Variants in PDE3B observed in about 807,000 individuals in gnomAD.
The protein encoded by PDE3B is phosphodiesterase 3B, also known as cGMP-inhibited 3',5'-cyclic phosphodiesterase 3B.
PDE3B carries 66 observed loss-of-function variants against 116.8 expected under a neutral mutation model. That is an observed-to-expected ratio of 0.56 (90% confidence interval 0.46 to 0.69). PDE3B has a LOEUF of 0.69. Among genes scored for constraint, PDE3B ranks in the 30% least tolerant of loss-of-function variants. The pLI is 0.00. For synonymous variants in PDE3B, 595 were observed against 533.6 expected (o/e 1.12, Z -1.59); for missense variants, 1,384 against 1,368.1 (o/e 1.01, Z -0.18).
Position 14,731,255 on chromosome 11 carries a change from A to ATT in PDE3B, c.979-40662_979-40661dup, listed in dbSNP as rs778089171. On this transcript the variant is annotated intron_variant, in intron 1 of 15. Transcript: ENST00000282096. ...TAAAGTTTTAAAGCATTTTACTTTG[A>ATT]TTTTTTTTTTTTTTTTTTTTTGAGA... Among the ~76,000 whole-genome samples, 523 of 121,080 alleles carry ATT rather than the reference A, an allele frequency of 4.3e-3. 14 individuals carry two copies. In the East Asian group the frequency reaches 0.078, roughly 18 times the overall value. The allele number at this position is 121,080 out of a possible 152,430, so 79.4% of individuals were successfully genotyped here. A position where few individuals can be genotyped will look rare whatever the true frequency, so the allele number is the denominator to read the frequency against.
intron 1 of PDE3B, among the ~76,000 whole-genome samples, chr11:14,767,010 G>A (rs181347493): frequency 7.3e-5 from 11 of 151,550 alleles, no homozygotes; most frequent in East Asian, 5.8e-4. Flanking sequence ...AATATTTATC[G>A]TTTGTGTGGC....
rs751380007 is a variant in PDE3B, at chr11:14,644,504, C to T, written c.429C>T (p.Pro143=). The T allele has an allele frequency of 9.9e-6, 16 of 1,610,378 alleles. No individual in the cohort carries two copies. The highest frequency in any genetic ancestry group is 1.4e-5 in the Non-Finnish European group (16 of 1,178,432). The change falls in exon 1 of 16, where the codon CCC becomes CCT. Residue 143 remains proline, a synonymous_variant. Transcript: ENST00000282096. The stretch of plus-strand genomic sequence containing the variant: ...TCCTCACCCGGACCAAGCGGGGACC[C>T]GGCCCGGGCCGGAGCTGCGGCTCCT... ...TCFLTRTKRG[P]GPGRSCGSWW... is the part of the protein sequence containing the mutation.
chr11:14,753,980 GT>G (rs1335602519), intron 1 of PDE3B, among the ~76,000 whole-genome samples: 4 of 151,784 alleles, frequency 2.6e-5, no homozygotes, highest in Admixed American at 2.6e-4. Context: ...GGAAGCTTGT[GT>G]TTTAAGAACT....
intron 1 of PDE3B, among the ~76,000 whole-genome samples, chr11:14,661,971 A>C (rs908878447): frequency 7.9e-4 from 120 of 152,154 alleles, no homozygotes; most frequent in Non-Finnish European, 1.6e-3. Flanking sequence ...CCCAGCACGC[A>C]GCTGGAGATC....
At chr11:14,673,660 C>T in intron 1 of PDE3B, 1 of 702,328 alleles carries the variant, frequency 1.4e-6, no homozygotes, top group South Asian at 1.4e-5. Context: ...GAATTCTTTG[C>T]CAGGTACTTC....
At chr11:14,882,057 T>C in the PDE3B span, among the ~76,000 whole-genome samples, 1 of 152,180 alleles carries the variant, frequency 6.6e-6, no homozygotes, top group Non-Finnish European at 1.5e-5. Flanking sequence ...TCATTAGTGC[T>C]GTGTAGCAAT....
chr11:14,848,862 A>T (rs980819692), intron 12 of PDE3B, among the ~76,000 whole-genome samples: 1 of 152,238 alleles, frequency 6.6e-6, no homozygotes, highest in Non-Finnish European at 1.5e-5. Context: ...ATGGAAGAAC[A>T]TTCCATGCTC....
At chr11:14,802,214 C>A (rs956059156) in intron 4 of PDE3B, among the ~76,000 whole-genome samples, 9 of 152,202 alleles carry the variant, frequency 5.9e-5, no homozygotes, top group Admixed American at 1.3e-4. Context: ...AAAACTCTTG[C>A]AGCTAGTTTG....
At chr11:14,793,990 C>T (rs1228991900) in intron 4 of PDE3B, among the ~76,000 whole-genome samples, 1 of 152,182 alleles carries the variant, frequency 6.6e-6, no homozygotes, top group Non-Finnish European at 1.5e-5. Context: ...CAAGTTTATA[C>T]AACTGCATTG....
chr11:14,866,614 G>T (rs1274361890), intron 14 of PDE3B, among the ~76,000 whole-genome samples: 1 of 152,108 alleles, frequency 6.6e-6, no homozygotes, highest in South Asian at 2.1e-4. Flanking sequence ...AGTTAATCAC[G>T]GGGACAGTTT....
intron 1 of PDE3B, among the ~76,000 whole-genome samples, chr11:14,732,252 A>G (rs533133423): frequency 1.3e-5 from 2 of 152,240 alleles, no homozygotes; most frequent in South Asian, 2.1e-4. Context: ...ATGAGATGAA[A>G]ATAATGAAAA....
chr11:14,815,938 T>TACACACACACAC (rs35596025), intron 5 of PDE3B, among the ~76,000 whole-genome samples: 28 of 146,232 alleles, frequency 1.9e-4, no homozygotes, highest in African/African-American at 6.7e-4. Context: ...ATTATATTTA[T>TACACACACACAC]ACACACACAC....
At chr11:14,891,830 C>T in the PDE3B span, 7 of 1,422,144 alleles carry the variant, frequency 4.9e-6, no homozygotes, top group Non-Finnish European at 6.5e-6. Context: ...CCTTCCAGAC[C>T]CGGGAAGCGG....
Position 14,644,869 on chromosome 11 carries a change from A to G in PDE3B, c.794A>G (p.His265Arg), listed in dbSNP as rs778996243. 9 of 1,613,674 alleles carry G rather than the reference A, an allele frequency of 5.6e-6. No individual in the cohort carries two copies. Among genetic ancestry groups the G allele is most frequent in the South Asian group, 1.1e-5 (1 of 91,072 alleles). The change falls in exon 1 of 16, where the codon CAC becomes CGC. Residue 265 changes from histidine to arginine, a missense_variant. His to Arg is a conservative substitution (Grantham distance 29, BLOSUM62 0). This residue lies in a region of PDE3B where 956 missense variants were observed against 806.8 expected (regional missense o/e 1.18). Coordinates refer to ENST00000282096, the MANE Select transcript of PDE3B (RefSeq NM_000922.4). ...AGCLLALGLD[H>R]FFQIREAPLH... is the part of the protein sequence containing the mutation. Reference sequence around the variant, plus strand: ...TGCCTGCTGGCCCTGGGGTTGGATCACTTCTTTCAAATCAGGGAAGCGCCT... The same window carrying G: ...TGCCTGCTGGCCCTGGGGTTGGATCGCTTCTTTCAAATCAGGGAAGCGCCT...
intron 1 of PDE3B, among the ~76,000 whole-genome samples, chr11:14,680,042 A>G (rs1854653869): frequency 6.6e-6 from 1 of 152,180 alleles, no homozygotes; most frequent in Non-Finnish European, 1.5e-5. Context: ...GTAGTAGGCC[A>G]TTGCCTCTGG....
chr11:14,697,748 T>G (rs1405107771), intron 1 of PDE3B, among the ~76,000 whole-genome samples: 1 of 152,098 alleles, frequency 6.6e-6, no homozygotes, highest in Non-Finnish European at 1.5e-5. Context: ...CATCTTAAAA[T>G]TTTTTTCTCA....
chr11:14,848,835 A>G (rs1227812641), intron 12 of PDE3B, among the ~76,000 whole-genome samples: 2 of 152,212 alleles, frequency 1.3e-5, no homozygotes. Flanking sequence ...CAATGAAATA[A>G]AAGAGGATAC....
Position 14,644,359 on chromosome 11 carries a change from G to A in PDE3B, c.284G>A (p.Gly95Asp). The change falls in exon 1 of 16, where the codon GGC becomes GAC. Residue 95 changes from glycine to aspartate, a missense_variant. Gly to Asp is a moderately conservative substitution (Grantham distance 94). Coordinates refer to ENST00000282096, the MANE Select transcript of PDE3B (RefSeq NM_000922.4). ...GCCTTTGTCCTCGCCCTGCTGCTGG[G>A]CGCGGAACCCGAGAGCTGGGCTGCC... ...LAAFVLALLL[G>D]AEPESWAAGA... 1 of 1,593,674 alleles carries A rather than the reference G, an allele frequency of 6.3e-7. No homozygotes were observed. Among genetic ancestry groups the A allele is most frequent in the Non-Finnish European group, 8.5e-7 (1 of 1,172,486 alleles).
At chr11:14,825,367 C>T (rs1590175040) in intron 7 of PDE3B, among the ~76,000 whole-genome samples, 1 of 152,172 alleles carries the variant, frequency 6.6e-6, no homozygotes, top group African/African-American at 2.4e-5. Context: ...AAAAGTAAGA[C>T]CCAATGATAC....
Sources: allele counts gnomAD v4.1 joint callset (sites outside exome capture counted in the v4.1 genomes callset), GRCh38; gene constraint gnomAD v4.1.1; regional missense constraint gnomAD v4.1.1; transcripts MANE v1.5; gene names NCBI Gene and HGNC (gene_info 2026-07-23, HGNC 2026-07-21).